GREB1: variants seen among roughly 807,000 people sequenced by gnomAD.
GREB1 encodes the protein growth regulating estrogen receptor binding 1.
Under a neutral mutation model 200.7 loss-of-function variants are expected in GREB1, and 106 were observed. The ratio of observed to expected loss-of-function variants is 0.53; its 90% CI spans 0.45 to 0.62. The LOEUF is 0.62. Ranked by LOEUF, GREB1 falls within the 20% of genes least tolerant of loss-of-function variation. The pLI is 0.00. For synonymous variants in GREB1, 1,132 were observed against 1,092.4 expected (o/e 1.04, Z -0.72); for missense variants, 2,243 against 2,556.8 (o/e 0.88, Z 2.65).
At chr2:11,553,788 G>A (rs185820876) in intron 1 of GREB1, among the ~76,000 whole-genome samples, 9 of 152,084 alleles carry the variant, frequency 5.9e-5, no homozygotes, top group East Asian at 1.9e-4. Flanking sequence ...ATGTCCCTTC[G>A]CTGCTGGAGT....
chr2:11,591,305 T>C, intron 10 of GREB1: 1 of 709,462 alleles, frequency 1.4e-6, no homozygotes, highest in Non-Finnish European at 2.6e-6. Flanking sequence ...CAGGAAACCA[T>C]GGGAGATAGC....
At chr2:11,507,367 C>T (rs1250073613) in intron 1 of GREB1, among the ~76,000 whole-genome samples, 3 of 149,990 alleles carry the variant, frequency 2.0e-5, no homozygotes, top group Non-Finnish European at 4.4e-5. Context: ...GGAGATTGCG[C>T]CACTGCACTC....
chr2:11,602,843 A>C (rs1262395842), intron 17 of GREB1, among the ~76,000 whole-genome samples: 1 of 152,342 alleles, frequency 6.6e-6, no homozygotes, highest in Admixed American at 6.5e-5. Flanking sequence ...GGAAGATAAC[A>C]AAGCTTTAAA....
At chr2:11,619,783 G>A (rs1203035012) in intron 22 of GREB1, among the ~76,000 whole-genome samples, 1 of 152,114 alleles carries the variant, frequency 6.6e-6, no homozygotes, top group Non-Finnish European at 1.5e-5. Context: ...AAGTGCTTTA[G>A]ATATTACAGA....
Position 11,629,906 on chromosome 2 carries a change from C to T in GREB1, c.4450-42C>T, listed in dbSNP as rs554546866. The T allele has an allele frequency of 1.1e-4, 182 of 1,601,148 alleles. 1 individual carries two copies. The South Asian group carries it at 1.4e-3, about 12-fold the overall frequency. Reference sequence around the variant, plus strand: ...GCCTGGGGTCTTCTGGGAAGCAGGCCGGACTCTGACGGCAAGCTCTGTCCT... The same window carrying T: ...GCCTGGGGTCTTCTGGGAAGCAGGCTGGACTCTGACGGCAAGCTCTGTCCT... On this transcript the variant is annotated intron_variant, in intron 25 of 32. Coordinates refer to ENST00000381486, the MANE Select transcript of GREB1 (RefSeq NM_014668.4). The surrounding 1 kb of genome is among the most constrained non-coding windows in gnomAD (Gnocchi z 5.2).
chr2:11,577,153 C>T (rs1342498077), intron 5 of GREB1, among the ~76,000 whole-genome samples: 3 of 152,170 alleles, frequency 2.0e-5, no homozygotes, highest in Non-Finnish European at 4.4e-5. Flanking sequence ...TTGAGTGGTT[C>T]ATCCAAGTGA....
intron 8 of GREB1, 82 bp from the exon 9 acceptor site, chr2:11,585,680 T>A (rs1680008001): frequency 6.6e-7 from 1 of 1,517,724 alleles, no homozygotes; most frequent in African/African-American, 1.4e-5. Context: ...GGGTAGCAGA[T>A]TTGCTGGCTG....
At position 11,615,176 on chromosome 2, in the gene GREB1, T is replaced by C. The variant is rs547914523; in HGVS notation, c.3208T>C (p.Tyr1070His). 18 of 1,614,132 alleles carry C rather than the reference T, an allele frequency of 1.1e-5. No individual in the cohort carries two copies. The Admixed American group carries it at 2.8e-4, about 25-fold the overall frequency. The change falls in exon 20 of 33, where the codon TAC (tyrosine) becomes CAC (histidine). Residue 1070 changes from tyrosine to histidine, a missense_variant. Tyr to His is a moderately conservative substitution (Grantham distance 83). Transcript: ENST00000381486. The stretch of plus-strand genomic sequence containing the variant: ...GGAGCAGGAGCTGGGCCTGGCTGCC[T>C]ACTTTGTGAGCAACGAGGTTCCCTT... ...ALEQELGLAA[Y>H]FVSNEVPLEK...
At chr2:11,601,681 T>C (rs10197234) in intron 16 of GREB1, among the ~76,000 whole-genome samples, 2,569 of 152,340 alleles carry the variant, frequency 0.017, 77 homozygotes, top group African/African-American at 0.058. Context: ...GGGATAGCCA[T>C]TGTTCATAAG....
intron 9 of GREB1, chr2:11,587,412 C>A (rs190382606): frequency 1.2e-6 from 2 of 1,613,900 alleles, no homozygotes; most frequent in Non-Finnish European, 1.7e-6. Flanking sequence ...CAAATGGTAG[C>A]CCTTGGTCCG....
intron 1 of GREB1, among the ~76,000 whole-genome samples, chr2:11,521,467 A>G (rs1050352714): frequency 6.6e-6 from 1 of 152,204 alleles, no homozygotes; most frequent in Non-Finnish European, 1.5e-5. Context: ...AAAAATTGGC[A>G]TGTGTGAATT....
In GREB1 at chr2:11,565,351, C is replaced by T. The variant is rs908413667; in HGVS notation, c.278-1129C>T. 6.6e-5 allele frequency among the ~76,000 whole-genome samples: 10 copies of T among 152,206 alleles called. No homozygotes were observed. In the East Asian group the frequency reaches 1.7e-3, roughly 26 times the overall value. ...CACAGGTGTTGCTTTCTCCTGCCCCCGCCCAGGGGCACATGGGAAACCACA... is the reference window on the plus strand; with the variant it reads ...CACAGGTGTTGCTTTCTCCTGCCCCTGCCCAGGGGCACATGGGAAACCACA... On this transcript the variant is annotated intron_variant, in intron 3 of 32. Transcript: ENST00000381486.
chr2:11,500,807 G>A (rs1673015714), intron 1 of GREB1, among the ~76,000 whole-genome samples: 1 of 152,196 alleles, frequency 6.6e-6, no homozygotes, highest in Non-Finnish European at 1.5e-5. Flanking sequence ...TGACAGCAGG[G>A]AATGGTAAGA....
chr2:11,522,904 C>T (rs1673749369), intron 1 of GREB1, among the ~76,000 whole-genome samples: 1 of 152,226 alleles, frequency 6.6e-6, no homozygotes, highest in South Asian at 2.1e-4. Flanking sequence ...CCTTGTTTGA[C>T]ATCTTCCAGT....
chr2:11,592,888 C>G lies in GREB1; in HGVS notation c.1458C>G (p.Phe486Leu). The G allele has an allele frequency of 6.3e-7, 1 of 1,597,016 alleles. No individual in the cohort carries two copies. Among genetic ancestry groups the G allele is most frequent in the South Asian group, 1.1e-5 (1 of 88,844 alleles). ...RQYQQAPPQP[F>L]PPAPSAAAPV... is the part of the protein sequence containing the mutation. ...ACCAGCAGGCGCCGCCGCAGCCCTT[C>G]CCGCCCGCGCCCAGCGCCGCGGCAC... Residue 486 changes from phenylalanine to leucine, a missense_variant, in exon 11 of 33, where the codon TTC becomes TTG. By Grantham distance (22) the Phe-to-Leu change is conservative. Around this residue, in one of 3 missense-constraint regions of GREB1, gnomAD observed 1,178 missense variants for 1,387.4 expected, o/e 0.85. Transcript: ENST00000381486.
intron 1 of GREB1, among the ~76,000 whole-genome samples, chr2:11,489,970 A>G (rs1411319915): frequency 9.0e-6 from 1 of 111,270 alleles, no homozygotes; most frequent in African/African-American, 2.8e-5. Context: ...TACTAGATAT[A>G]TAACAAATAA....
At chr2:11,502,461 A>T (rs1251594144) in intron 1 of GREB1, among the ~76,000 whole-genome samples, 4 of 149,908 alleles carry the variant, frequency 2.7e-5, no homozygotes, top group African/African-American at 9.9e-5. Flanking sequence ...GGCTTAAGGG[A>T]TCTGCCTGCT....
At chr2:11,573,030 G>A (rs952163118) in intron 4 of GREB1, among the ~76,000 whole-genome samples, 2 of 152,268 alleles carry the variant, frequency 1.3e-5, no homozygotes, top group African/African-American at 2.4e-5. Flanking sequence ...CGCTGTTGTC[G>A]GCTTGTTGAC....
chr2:11,634,648 A>G (rs1332838394), intron 29 of GREB1, among the ~76,000 whole-genome samples: 2 of 152,200 alleles, frequency 1.3e-5, no homozygotes, highest in Non-Finnish European at 2.9e-5. Flanking sequence ...GAAGAAAATG[A>G]TAATTTCCGT....
Sources: allele counts gnomAD v4.1 joint callset (sites outside exome capture counted in the v4.1 genomes callset), GRCh38; gene constraint gnomAD v4.1.1; regional missense constraint gnomAD v4.1.1; non-coding constraint Gnocchi (gnomAD v3.1); transcripts MANE v1.5; gene names NCBI Gene and HGNC (gene_info 2026-07-23, HGNC 2026-07-21).